DEPDC5: variants seen among roughly 807,000 people sequenced by gnomAD.
DEPDC5 encodes DEP domain containing 5, GATOR1 subcomplex subunit, also known as GATOR1 complex protein DEPDC5.
A neutral mutation model predicts 217.3 loss-of-function variants in DEPDC5; 73 were observed. That is an observed-to-expected ratio of 0.34 (90% CI 0.28 to 0.41). The LOEUF (loss-of-function observed/expected upper bound fraction) is 0.41, where lower values mean the gene tolerates loss of function less well. Ranked by LOEUF, DEPDC5 falls within the 10% of genes least tolerant of loss-of-function variation. DEPDC5 has a pLI of 1.00. For synonymous variants in DEPDC5, 733 were observed against 756.7 expected (o/e 0.97, Z 0.51); for missense variants, 1,675 against 2,070.1 (o/e 0.81, Z 3.70).
At chr22:31,828,603 A>G (rs551777490) in intron 24 of DEPDC5, among the ~76,000 whole-genome samples, 3 of 148,686 alleles carry the variant, frequency 2.0e-5, no homozygotes, top group Non-Finnish European at 3.0e-5. Flanking sequence ...TAAACAATTA[A>G]CTAGATTCCT....
intron 26 of DEPDC5, 78 bp downstream of exon 26, chr22:31,837,233 G>T (rs550916559): frequency 2.0e-6 from 3 of 1,488,592 alleles, no homozygotes; most frequent in African/African-American, 2.8e-5. Context: ...CAGAACACTG[G>T]ATTTGTGCTG....
At chr22:31,785,972 A>G (rs1377538068) in intron 10 of DEPDC5, among the ~76,000 whole-genome samples, 1 of 152,166 alleles carries the variant, frequency 6.6e-6, no homozygotes, top group African/African-American at 2.4e-5. Context: ...ACTTAAATAT[A>G]AGAGCTAAAG....
At chr22:31,872,933 T>A (rs150427340) in intron 34 of DEPDC5, among the ~76,000 whole-genome samples, 131 of 152,088 alleles carry the variant, frequency 8.6e-4, no homozygotes, top group Non-Finnish European at 1.7e-3. Context: ...TTTTGTATTT[T>A]TAGTAGAGAC....
At chr22:31,861,573 G>A (rs533606520) in intron 33 of DEPDC5, 140 bp downstream of exon 33, 5 of 861,228 alleles carry the variant, frequency 5.8e-6, no homozygotes, top group South Asian at 4.6e-5. Context: ...TCTCAGAATT[G>A]TACATTCTCT....
intron 24 of DEPDC5, among the ~76,000 whole-genome samples, chr22:31,824,198 T>C (rs1481287289): frequency 1.3e-5 from 2 of 151,926 alleles, no homozygotes; most frequent in African/African-American, 4.8e-5. Flanking sequence ...ATACAAAAAT[T>C]AGCCAGGTGT....
chr22:31,851,108 A>G (rs1339867908), intron 31 of DEPDC5, among the ~76,000 whole-genome samples: 1 of 151,694 alleles, frequency 6.6e-6, no homozygotes, highest in African/African-American at 2.4e-5. Context: ...GGATTTACAC[A>G]GGGTCCACAT....
Position 31,864,518 on chromosome 22 carries a change from ATATATATTTATATATT to A in DEPDC5, c.3330+3089_3330+3104del, listed in dbSNP as rs200581947. ...TTCATTAAAATATATATATATATAT[ATATATATTTATATATT>A]TATTTATTTACTGTGTGTATTTCTT... On this transcript the variant is annotated intron_variant, in intron 33 of 42. Coordinates refer to ENST00000651528, the MANE Select transcript of DEPDC5 (RefSeq NM_001242896.3). Among the ~76,000 whole-genome samples, 36 of 138,264 alleles carry A rather than the reference ATATATATTTATATATT, an allele frequency of 2.6e-4. No individual in the cohort carries two copies. The East Asian group carries it at 6.8e-3, about 26-fold the overall frequency. The allele number at this position is 138,264 out of a possible 152,430, so 90.7% of individuals were successfully genotyped here.
Position 31,879,521 on chromosome 22 carries a change from C to T in DEPDC5, c.3806-4C>T. The T allele has an allele frequency of 6.2e-7, 1 of 1,607,814 alleles. No homozygotes were observed. The highest frequency in any genetic ancestry group is 8.5e-7 in the Non-Finnish European group (1 of 1,179,762). Reference sequence around the variant, plus strand: ...ACTCCTTCTCTCCCCTCCACTTTTCCCAGTGGCCATGCAGCAGCCCGCCAC... The same window carrying T: ...ACTCCTTCTCTCCCCTCCACTTTTCTCAGTGGCCATGCAGCAGCCCGCCAC... On this transcript the variant is annotated splice_region_variant and splice_polypyrimidine_tract_variant and intron_variant, in intron 37 of 42. Coordinates refer to ENST00000651528, the MANE Select transcript of DEPDC5 (RefSeq NM_001242896.3).
chr22:31,838,989 G>A (rs2091225419), intron 27 of DEPDC5, 144 bp downstream of exon 27: 10 of 869,024 alleles, frequency 1.2e-5, no homozygotes, highest in Admixed American at 6.0e-5. Flanking sequence ...CTTAAGTGAG[G>A]AATAAAGTCT....
intron 31 of DEPDC5, among the ~76,000 whole-genome samples, chr22:31,851,145 C>A (rs1189306769): frequency 6.6e-6 from 1 of 152,070 alleles, no homozygotes; most frequent in African/African-American, 2.4e-5. Flanking sequence ...TGAGCTGGCA[C>A]TTCAGAAGGG....
At chr22:31,899,259 T>C (rs2093606757) in intron 40 of DEPDC5, among the ~76,000 whole-genome samples, 2 of 152,256 alleles carry the variant, frequency 1.3e-5, no homozygotes, top group Admixed American at 1.3e-4. Context: ...TTTTCTTGCT[T>C]CTGTGCCTCT....
intron 29 of DEPDC5, 157 bp from the exon 30 acceptor site, chr22:31,844,861 C>G (rs1361002321): frequency 1.3e-6 from 1 of 792,844 alleles, no homozygotes; most frequent in African/African-American, 1.7e-5. Context: ...ATTCTCAGAA[C>G]TTGTATTTTC....
At chr22:31,807,817 C>T (rs908449869) in intron 18 of DEPDC5, among the ~76,000 whole-genome samples, 3 of 152,188 alleles carry the variant, frequency 2.0e-5, no homozygotes, top group African/African-American at 7.2e-5. Flanking sequence ...TGCTCTCACC[C>T]CTCTGCCCTT....
intron 32 of DEPDC5, 96 bp downstream of exon 32, chr22:31,857,649 T>TA: frequency 9.9e-7 from 1 of 1,011,890 alleles, no homozygotes; most frequent in Non-Finnish European, 1.5e-6. Flanking sequence ...GGATTGCATG[T>TA]GCAGAGGCTT....
rs370170334 is a variant in DEPDC5 at position 31,798,562 on chromosome 22, T to C, written c.872-20T>C. 3 of 1,601,350 alleles carry C rather than the reference T, an allele frequency of 1.9e-6. No homozygotes were observed. The highest frequency in any genetic ancestry group is 2.6e-6 in the Non-Finnish European group (3 of 1,172,094). ...ATGTTTCATGAGATGTTTTTCTTTCTCTTGCATATTTTGCTTCAGAGGGCT... is the reference window on the plus strand; with the variant it reads ...ATGTTTCATGAGATGTTTTTCTTTCCCTTGCATATTTTGCTTCAGAGGGCT... On this transcript the variant is annotated intron_variant, in intron 13 of 42. Transcript: ENST00000651528.
At chr22:31,830,611 T>C (rs2090516866) in intron 24 of DEPDC5, among the ~76,000 whole-genome samples, 1 of 149,352 alleles carries the variant, frequency 6.7e-6, no homozygotes, top group African/African-American at 2.5e-5. Context: ...AATATTTGCT[T>C]TTTCGGGGTA....
chr22:31,765,825 C>G (rs1475703109), intron 5 of DEPDC5, among the ~76,000 whole-genome samples: 1 of 152,030 alleles, frequency 6.6e-6, no homozygotes, highest in Non-Finnish European at 1.5e-5. Flanking sequence ...GAGTTTGAGA[C>G]CAGCCTGGGA....
intron 7 of DEPDC5, 92 bp downstream of exon 7, chr22:31,768,955 A>G (rs2083071363): frequency 6.6e-7 from 1 of 1,504,190 alleles, no homozygotes; most frequent in African/African-American, 1.4e-5. Context: ...TAAAATGTGT[A>G]AAAGTATAAA....
chr22:31,874,794 C>T (rs557193200), intron 36 of DEPDC5, among the ~76,000 whole-genome samples: 39 of 152,294 alleles, frequency 2.6e-4, no homozygotes, highest in African/African-American at 9.1e-4. Flanking sequence ...GGCCTTCTGT[C>T]ACCTTGTACT....
Sources: allele counts gnomAD v4.1 joint callset (sites outside exome capture counted in the v4.1 genomes callset), GRCh38; gene constraint gnomAD v4.1.1; transcripts MANE v1.5; gene names NCBI Gene and HGNC (gene_info 2026-07-23, HGNC 2026-07-21).